SMARCAL1: variants seen among roughly 807,000 people sequenced by gnomAD.
The protein encoded by SMARCAL1 is ATP-driven annealing helicase.
In SMARCAL1, 58 loss-of-function variants were observed where a neutral mutation model predicts 94.5. The observed-to-expected ratio is 0.61, with a 90% confidence interval of 0.50 to 0.76. The LOEUF (loss-of-function observed/expected upper bound fraction) is 0.76, where lower values mean the gene tolerates loss of function less well. Ranked by LOEUF, SMARCAL1 falls within the 30% of genes least tolerant of loss-of-function variation. The pLI is 0.00. For missense variants in SMARCAL1, 1,051 were observed against 1,177.9 expected, an observed-to-expected ratio of 0.89 and a Z score of 1.58; for synonymous variants, 422 against 455.1, an observed-to-expected ratio of 0.93 and a Z score of 0.93.
At chr2:216,459,680 T>C (rs1396520892) in intron 12 of SMARCAL1, among the ~76,000 whole-genome samples, 4 of 151,872 alleles carry the variant, frequency 2.6e-5, no homozygotes, top group African/African-American at 4.8e-5. Context: ...ATACAAAAAT[T>C]AATTCAAGAT....
chr2:216,451,303 A>T, intron 12 of SMARCAL1: 1 of 521,452 alleles, frequency 1.9e-6, no homozygotes, highest in East Asian at 3.6e-5. Context: ...GATGGCCATA[A>T]AGATAAGCAC....
At chr2:216,458,949 C>A (rs1231355173) in intron 12 of SMARCAL1, among the ~76,000 whole-genome samples, 2 of 152,178 alleles carry the variant, frequency 1.3e-5, no homozygotes, top group African/African-American at 2.4e-5. Flanking sequence ...GTCTCAGCCC[C>A]AAATCTCCTT....
intron 6 of SMARCAL1, among the ~76,000 whole-genome samples, chr2:216,425,022 G>A (rs572563656): frequency 3.9e-4 from 60 of 152,298 alleles, no homozygotes; most frequent in Middle Eastern, 3.4e-3. Flanking sequence ...AGGCTCAAGC[G>A]ATTGTCCTGT....
At chr2:216,426,551 CG>C (rs1187289877) in intron 6 of SMARCAL1, among the ~76,000 whole-genome samples, 1 of 152,124 alleles carries the variant, frequency 6.6e-6, no homozygotes, top group African/African-American at 2.4e-5. Context: ...CAGTGTCTCA[CG>C]GAAGATAAGA....
chr2:216,455,056 C>G (rs1694533470), intron 12 of SMARCAL1, among the ~76,000 whole-genome samples: 1 of 152,238 alleles, frequency 6.6e-6, no homozygotes, highest in Non-Finnish European at 1.5e-5. Flanking sequence ...AGATTGTATC[C>G]CGTGCCTGGC....
At chr2:216,455,095 G>A (rs185134961) in intron 12 of SMARCAL1, among the ~76,000 whole-genome samples, 5 of 152,348 alleles carry the variant, frequency 3.3e-5, no homozygotes, top group East Asian at 1.9e-4. Context: ...ACGGAGGCTC[G>A]CTCATTGCTA....
chr2:216,459,058 A>G (rs1171939481), intron 12 of SMARCAL1, among the ~76,000 whole-genome samples: 9 of 152,334 alleles, frequency 5.9e-5, no homozygotes, highest in African/African-American at 2.4e-5. Flanking sequence ...CAGAGAGCCA[A>G]ATCTTGAGTG....
rs2106014376 is a variant in SMARCAL1 at position 216,414,815 on chromosome 2, C to T, written c.111C>T (p.Ser37=). Reference sequence around the variant, plus strand: ...TGGCAGAACAGCATCAGAGGACTAGCTCGGGCACCTCCATTGCTGGCAACC... The same window carrying T: ...TGGCAGAACAGCATCAGAGGACTAGTTCGGGCACCTCCATTGCTGGCAACC... ...KLLAEQHQRT[S]SGTSIAGNPF... is the part of the protein sequence containing the mutation. The change falls in exon 3 of 18, where the codon AGC becomes AGT. Residue 37 remains serine, a synonymous_variant. Transcript: ENST00000357276. 1 of 1,614,220 alleles carries T rather than the reference C, an allele frequency of 6.2e-7. No individual in the cohort carries two copies. The highest frequency in any genetic ancestry group is 2.2e-5 in the East Asian group (1 of 44,888).
Position 216,475,272 on chromosome 2 carries a change from G to T in SMARCAL1, c.2248G>T (p.Val750Leu). 1 of 1,614,120 alleles carries T rather than the reference G, an allele frequency of 6.2e-7. No homozygotes were observed. Among genetic ancestry groups the T allele is most frequent in the Non-Finnish European group, 8.5e-7 (1 of 1,180,024 alleles). ...AITQELERKH[V>L]QHIRIDGSTS... ...CTTCTGCCCCTTGTTCCTGCAGCAC[G>T]TGCAGCACATCCGCATCGATGGCTC... is the stretch of plus-strand genomic sequence containing the variant. Residue 750 changes from valine to leucine, a missense_variant, in exon 15 of 18, where the codon GTG (valine) becomes TTG (leucine). Transcript: ENST00000357276. The surrounding 1 kb of genome is among the most constrained non-coding windows in gnomAD (Gnocchi z 4.4).
rs55763206 is a variant in SMARCAL1, at chr2:216,470,838, C to CA, written c.2244+2820dup. On this transcript the variant is annotated intron_variant, in intron 14 of 17. Coordinates refer to ENST00000357276, the MANE Select transcript of SMARCAL1 (RefSeq NM_014140.4). ...TATACTGTTACTCCCAAGAACATCT[C>CA]AAAAAAAAAAAAAAAAAAAAAAAAA... Among the ~76,000 whole-genome samples, 415 of 48,072 alleles carry CA rather than the reference C, an allele frequency of 8.6e-3. 34 individuals carry two copies. The highest frequency in any genetic ancestry group is 0.023 in the African/African-American group (220 of 9,634). The allele number at this position is 48,072 out of a possible 152,430, so 31.5% of individuals were successfully genotyped here.
rs548688843 is a variant in SMARCAL1, at chr2:216,425,938, A to G, written c.1147+2255A>G. On this transcript the variant is annotated intron_variant, in intron 6 of 17. Transcript: ENST00000357276. The stretch of plus-strand genomic sequence containing the variant: ...GTCTTTGGCTTAAAGGTTGGGTTTC[A>G]CTGTGGACCCACCCCTGTCTGCCTA... 2.6e-5 allele frequency among the ~76,000 whole-genome samples: 4 copies of G among 152,298 alleles called. No individual in the cohort carries two copies. The East Asian group carries it at 7.7e-4, about 29-fold the overall frequency.
At chr2:216,423,552 C>A in intron 5 of SMARCAL1, 81 bp from the exon 6 acceptor site, 1 of 1,204,364 alleles carries the variant, frequency 8.3e-7, no homozygotes, top group Non-Finnish European at 1.2e-6. Flanking sequence ...GTTTATGAAA[C>A]CAAGGAATAA....
intron 4 of SMARCAL1, among the ~76,000 whole-genome samples, chr2:216,417,472 A>G (rs1438367568): frequency 6.6e-6 from 1 of 151,772 alleles, no homozygotes; most frequent in Admixed American, 6.6e-5. Flanking sequence ...CCTTGTTTGG[A>G]TTTTCCTTTG....
chr2:216,453,682 G>A (rs1204852743), intron 12 of SMARCAL1, among the ~76,000 whole-genome samples: 2 of 152,182 alleles, frequency 1.3e-5, no homozygotes, highest in African/African-American at 2.4e-5. Context: ...AGGAGGCCCT[G>A]TGGATCTATA....
At chr2:216,435,716 T>G (rs1694066242) in intron 9 of SMARCAL1, among the ~76,000 whole-genome samples, 1 of 152,186 alleles carries the variant, frequency 6.6e-6, no homozygotes, top group Non-Finnish European at 1.5e-5. Context: ...GAGCTTTTTT[T>G]GAAATTGTGA....
intron 12 of SMARCAL1, among the ~76,000 whole-genome samples, chr2:216,456,917 A>G (rs150098159): frequency 0.015 from 2,344 of 152,326 alleles, 67 homozygotes; most frequent in African/African-American, 0.053. Context: ...ATAGAGAGTC[A>G]AGACCCATCA....
Position 216,428,719 on chromosome 2 carries a change from A to T in SMARCAL1, c.1271A>T (p.Asp424Val), listed in dbSNP as rs2066520. The change falls in exon 7 of 18, where the codon GAC becomes GTC. Residue 424 changes from aspartate (D) to valine (V), a missense_variant. By Grantham distance (152) the Asp-to-Val change is radical. Transcript: ENST00000357276. ...LSLTPDVPEA[D>V]LSEVDPKLVS... Reference sequence around the variant, plus strand: ...CTCACGCCAGATGTCCCAGAGGCAGACCTTTCTGAAGTGGACCCCAAGCTC... The same window carrying T: ...CTCACGCCAGATGTCCCAGAGGCAGTCCTTTCTGAAGTGGACCCCAAGCTC... The T allele has an allele frequency of 3.0e-3, 4,859 of 1,614,204 alleles. 12 individuals carry two copies. The highest frequency in any genetic ancestry group is 3.6e-3 in the Non-Finnish European group (4,277 of 1,180,016).
At position 216,444,169 on chromosome 2, in the gene SMARCAL1, G is replaced by A. The variant is rs1173734342; in HGVS notation, c.1711-2849G>A. Among the ~76,000 whole-genome samples, 6 of 152,186 alleles carry A rather than the reference G, an allele frequency of 3.9e-5. No individual in the cohort carries two copies. In the East Asian group the frequency reaches 1.2e-3, roughly 29 times the overall value. ...GAGTATGGAGACTTTCCAGCGGTGTGGACTTGACCTTCTCTTTGATATTAC... is the reference window on the plus strand; with the variant it reads ...GAGTATGGAGACTTTCCAGCGGTGTAGACTTGACCTTCTCTTTGATATTAC... On this transcript the variant is annotated intron_variant, in intron 10 of 17. Coordinates refer to ENST00000357276, the MANE Select transcript of SMARCAL1 (RefSeq NM_014140.4).
Position 216,475,123 on chromosome 2 carries a change from A to G in SMARCAL1, c.2245-146A>G. ...GAGTATAAGCAGTCATCTCAATACC[A>G]ATGTCAATTTGAAAAGAAAAGCTCT... is the stretch of plus-strand genomic sequence containing the variant. On this transcript the variant is annotated intron_variant, in intron 14 of 17. Coordinates refer to ENST00000357276, the MANE Select transcript of SMARCAL1 (RefSeq NM_014140.4). This position sits in a 1 kb window ranked among gnomAD's most constrained non-coding sequence, Gnocchi z 4.4. 1 of 702,710 alleles carries G rather than the reference A, an allele frequency of 1.4e-6. No individual in the cohort carries two copies. The highest frequency in any genetic ancestry group is 1.7e-5 in the South Asian group (1 of 58,954). 43.5% of individuals were successfully genotyped at this position (702,710 alleles called of 1,614,324 possible).
Sources: gnomAD v4.1 joint callset for allele counts (sites outside exome capture counted in the v4.1 genomes callset) on GRCh38, gnomAD v4.1.1 for gene constraint, Gnocchi (gnomAD v3.1) non-coding constraint, MANE v1.5 for transcripts, NCBI Gene and HGNC (gene_info 2026-07-23, HGNC 2026-07-21) for gene names.